The following SMC1A variants were observed in gnomAD, a reference collection of about 807,000 sequenced individuals.
The protein encoded by SMC1A is structural maintenance of chromosomes protein 1A.
In SMC1A, 4 loss-of-function variants were observed where a neutral mutation model predicts 94.5. The ratio of observed to expected loss-of-function variants is 0.04; its 90% CI spans 0.02 to 0.10. The LOEUF (loss-of-function observed/expected upper bound fraction) is 0.10. Ranked by LOEUF, SMC1A falls within the 10% of genes least tolerant of loss-of-function variation. The pLI is 1.00. For missense variants in SMC1A, 304 were observed against 989.0 expected (o/e 0.31, Z 9.29); for synonymous variants, 345 against 347.7 (o/e 0.99, Z 0.09).
At chrX:53,386,919 C>T (rs1189745824) in intron 19 of SMC1A, among the ~76,000 whole-genome samples, 1 of 112,173 alleles carries the variant, frequency 8.9e-6, no homozygotes, top group Non-Finnish European at 1.9e-5. Context: ...ATGAGGCTTT[C>T]CTTAGCTTAA....
chrX:53,422,388 G>T lies in SMC1A; in HGVS notation c.109+104C>A, dbSNP rs926323932. On this transcript the variant is annotated intron_variant, in intron 1 of 24. Transcript: ENST00000322213. ...TCTGGACGGGCAAGGAACCCGTAAG[G>T]GTCCGCGACGTTTCAGGTTACATGG... 6.8e-6 allele frequency: 4 copies of T among 591,982 alleles called. No individual in the cohort carries two copies. In the South Asian group the frequency reaches 9.2e-5, roughly 14 times the overall value. The allele number at this position is 591,982 out of a possible 1,213,427, so 48.8% of individuals were successfully genotyped here.
intron 19 of SMC1A, among the ~76,000 whole-genome samples, chrX:53,385,256 GTTTTTTTTT>G (rs59355116): frequency 5.7e-5 from 5 of 88,426 alleles, no homozygotes; most frequent in African/African-American, 2.0e-4. Context: ...TCCAGAATAG[GTTTTTTTTT>G]TTTTTTTTTA....
chrX:53,418,809 G>A (rs782106961), intron 1 of SMC1A, among the ~76,000 whole-genome samples: 5 of 111,582 alleles, frequency 4.5e-5, no homozygotes, highest in African/African-American at 9.7e-5. Flanking sequence ...TTGAAAGGCC[G>A]AGGCAGGCGG....
chrX:53,387,944 A>AG (rs2075611797), intron 19 of SMC1A, among the ~76,000 whole-genome samples: 2 of 110,013 alleles, frequency 1.8e-5, no homozygotes, highest in Non-Finnish European at 3.8e-5. Context: ...GGGGGGAAAA[A>AG]ATCAAGCATA....
Position 53,403,398 on chromosome X carries a change from A to G in SMC1A, c.2420+168T>C, listed in dbSNP as rs190815049. On this transcript the variant is annotated intron_variant, in intron 15 of 24. Transcript: ENST00000322213. The stretch of plus-strand genomic sequence containing the variant: ...TTTAGAGTTGGCACTCTTAACCACT[A>G]TAACTATGCCATACTGCCCTCCTGA... Among the ~76,000 whole-genome samples the G allele has an allele frequency of 3.8e-3, 418 of 110,007 alleles. 2 individuals carry two copies. The highest frequency in any genetic ancestry group is 8.9e-3 in the Admixed American group (91 of 10,169).
Position 53,379,380 on chromosome X carries a change from G to A in SMC1A, c.*723C>T, listed in dbSNP as rs2075573049. On this transcript the variant is annotated 3_prime_UTR_variant, in exon 25 of 25. Transcript: ENST00000322213. ...TGTGACCTCCAGGAAGCCTAGAGGG[G>A]ATCACCCACTTCTCAAATTCAAAGT... 9.0e-6 allele frequency: 1 copy of A among 111,660 alleles called. No homozygotes were observed. The highest frequency in any genetic ancestry group is 1.9e-5 in the Non-Finnish European group (1 of 53,214). 9.2% of individuals were successfully genotyped at this position (111,660 alleles called of 1,213,427 possible). A position where few individuals can be genotyped will look rare whatever the true frequency, so the allele number is the denominator to read the frequency against.
intron 9 of SMC1A, among the ~76,000 whole-genome samples, chrX:53,407,807 TGA>T (rs2075696732): frequency 9.0e-6 from 1 of 111,377 alleles, no homozygotes; most frequent in African/African-American, 3.3e-5. Flanking sequence ...GTGCTGGTTG[TGA>T]GAGTAGAAAA....
At chrX:53,411,050 G>C (rs782535059) in intron 7 of SMC1A, among the ~76,000 whole-genome samples, 4 of 107,688 alleles carry the variant, frequency 3.7e-5, no homozygotes, top group Non-Finnish European at 5.8e-5. Context: ...AGCCATGGTC[G>C]CACCACTGCA....
intron 16 of SMC1A, among the ~76,000 whole-genome samples, chrX:53,396,982 A>T (rs1556888153): frequency 3.6e-5 from 4 of 111,389 alleles, no homozygotes; most frequent in Non-Finnish European, 7.5e-5. Flanking sequence ...AAAACTCTGT[A>T]TTCTGACTTA....
intron 7 of SMC1A, 35 bp from the exon 8 acceptor site, chrX:53,409,538 C>A (rs782623870): frequency 9.1e-7 from 1 of 1,100,940 alleles, no homozygotes; most frequent in Non-Finnish European, 1.3e-6. Flanking sequence ...AGGGGCTGCA[C>A]GAGTTTACGC....
intron 19 of SMC1A, among the ~76,000 whole-genome samples, chrX:53,384,264 CTTT>C (rs781943811): frequency 2.1e-5 from 2 of 95,807 alleles, no homozygotes; most frequent in Non-Finnish European, 4.2e-5. Context: ...CCTTTTTAGA[CTTT>C]TTTTTTTTTT....
intron 13 of SMC1A, 70 bp downstream of exon 13, chrX:53,404,942 C>A: frequency 1.8e-6 from 2 of 1,127,376 alleles, no homozygotes; most frequent in South Asian, 1.9e-5. Context: ...AAGTTCCCCA[C>A]CCCCAGAGAA....
At chrX:53,380,864 TACTG>T (rs1223299185) in intron 23 of SMC1A, 134 bp from the exon 24 acceptor site, 3 of 625,360 alleles carry the variant, frequency 4.8e-6, no homozygotes, top group Non-Finnish European at 8.1e-6. Flanking sequence ...GAGAGGAGAC[TACTG>T]ACTACCACAG....
chrX:53,402,868 C>CAAA (rs151144282), intron 15 of SMC1A, among the ~76,000 whole-genome samples: 5 of 10,082 alleles, frequency 5.0e-4, no homozygotes, highest in East Asian at 5.0e-3. Flanking sequence ...GACTCTGTCT[C>CAAA]AAAAAAAAAA....
Position 53,405,454 on chromosome X carries a change from G to T in SMC1A, c.1911+39C>A, listed in dbSNP as rs782467696. ...GCTGAACAAATGAATCTCCAGTACT[G>T]AGCCTGTCCAGCTCCAGCCTGGGCA... is the stretch of plus-strand genomic sequence containing the variant. On this transcript the variant is annotated intron_variant, in intron 11 of 24. Coordinates refer to ENST00000322213, the MANE Select transcript of SMC1A (RefSeq NM_006306.4). The T allele has an allele frequency of 6.5e-5, 79 of 1,209,624 alleles. No homozygotes were observed. In the Middle Eastern group the frequency reaches 3.7e-3, roughly 56 times the overall value.
At chrX:53,383,844 T>A (rs1386366932) in intron 19 of SMC1A, among the ~76,000 whole-genome samples, 1 of 112,007 alleles carries the variant, frequency 8.9e-6, no homozygotes, top group Admixed American at 9.5e-5. Flanking sequence ...CTGGTTTCTG[T>A]GCTCACAGAG....
At chrX:53,382,152 T>A (rs1476125142) in intron 22 of SMC1A, 80 bp downstream of exon 22, 6 of 1,079,265 alleles carry the variant, frequency 5.6e-6, no homozygotes, top group Non-Finnish European at 7.7e-6. Context: ...TTCGCAGATC[T>A]CTGTGTATCC....
At position 53,375,145 on chromosome X, in the gene SMC1A, G is replaced by A. The variant is rs1211706228; in HGVS notation, c.*4958C>T. ...ACCCCTTAGAAGGGACTGCAAGCAT[G>A]GCAGGTTTGCTAAGGGTTTCCAGAA... On this transcript the variant is annotated 3_prime_UTR_variant, in exon 25 of 25. Transcript: ENST00000322213. The A allele has an allele frequency of 8.9e-6, 1 of 112,412 alleles. No homozygotes were observed. The highest frequency in any genetic ancestry group is 2.8e-4 in the East Asian group (1 of 3,582). 9.3% of individuals were successfully genotyped at this position (112,412 alleles called of 1,213,427 possible).
intron 3 of SMC1A, 81 bp from the exon 4 acceptor site, chrX:53,413,516 A>C (rs1219600287): frequency 1.1e-5 from 10 of 921,811 alleles, no homozygotes; most frequent in Non-Finnish European, 1.2e-5. Context: ...CTTCACCCAG[A>C]AAAAGTTACC....
Sources: allele counts gnomAD v4.1 joint callset (sites outside exome capture counted in the v4.1 genomes callset), GRCh38; gene constraint gnomAD v4.1.1; transcripts MANE v1.5; gene names NCBI Gene and HGNC (gene_info 2026-07-23, HGNC 2026-07-21).